COL19A1: variants seen among roughly 807,000 people sequenced by gnomAD.
COL19A1 encodes the protein collagen alpha-1(XIX) chain.
COL19A1 carries 159 observed loss-of-function variants against 190.2 expected under a neutral mutation model. That is an observed-to-expected ratio of 0.84 (90% CI 0.73 to 0.95). The LOEUF is 0.95. Among genes scored for constraint, COL19A1 ranks in the 40% least tolerant of loss-of-function variants. The pLI, the probability that COL19A1 is intolerant of heterozygous loss-of-function variation, is 0.00. For synonymous variants in COL19A1, 509 were observed against 458.9 expected, an observed-to-expected ratio of 1.11 and a Z score of -1.39; for missense variants, 1,418 against 1,431.9, an observed-to-expected ratio of 0.99 and a Z score of 0.16.
chr6:69,889,023 T>A (rs1271290771), intron 2 of COL19A1, among the ~76,000 whole-genome samples: 2 of 152,180 alleles, frequency 1.3e-5, no homozygotes, highest in Non-Finnish European at 2.9e-5. Flanking sequence ...AAGCCTTTTT[T>A]AAAAAATGCA....
At chr6:69,919,925 G>A (rs539739871) in intron 4 of COL19A1, among the ~76,000 whole-genome samples, 11 of 152,058 alleles carry the variant, frequency 7.2e-5, no homozygotes, top group Non-Finnish European at 1.5e-5. Context: ...ATATTTGTTA[G>A]TGCCCTTTTA....
At chr6:70,167,391 A>G (rs549093819) in intron 37 of COL19A1, among the ~76,000 whole-genome samples, 27 of 152,314 alleles carry the variant, frequency 1.8e-4, no homozygotes, top group African/African-American at 6.0e-4. Flanking sequence ...GCTAAAATGT[A>G]TGATTTTTTT....
chr6:70,206,965 T>C lies in COL19A1; in HGVS notation c.3288T>C (p.Leu1096=). 1.2e-6 allele frequency: 2 copies of C among 1,613,768 alleles called. No homozygotes were observed. The highest frequency in any genetic ancestry group is 1.7e-6 in the Non-Finnish European group (2 of 1,179,832). ...TTGGGCTGCCAGGGAGTCCAGGTCT[T>C]CCTGGGACTTCAGGTAAGTGGGATA... ...PGIGLPGSPG[L]PGTSALGLPG... is the part of the protein sequence containing the mutation. Residue 1096 remains leucine, a synonymous_variant, in exon 50 of 51, where the codon CTT becomes CTC. Coordinates refer to ENST00000620364, the MANE Select transcript of COL19A1 (RefSeq NM_001858.6).
At chr6:69,986,218 GTT>G (rs1238008218) in intron 11 of COL19A1, among the ~76,000 whole-genome samples, 219 of 84,390 alleles carry the variant, frequency 2.6e-3, no homozygotes, top group Admixed American at 0.011. Context: ...TGACTTACAC[GTT>G]TTATATATAT....
chr6:70,055,791 A>T (rs954753472), intron 14 of COL19A1, among the ~76,000 whole-genome samples: 9 of 150,076 alleles, frequency 6.0e-5, no homozygotes, highest in African/African-American at 2.2e-4. Context: ...TAAAAAAAAA[A>T]AAAAAAAAAA....
chr6:70,172,955 G>T (rs1160713803), intron 41 of COL19A1, among the ~76,000 whole-genome samples: 1 of 152,190 alleles, frequency 6.6e-6, no homozygotes, highest in Non-Finnish European at 1.5e-5. Flanking sequence ...GAGATAGTGA[G>T]AATGCCTGGA....
At chr6:70,022,435 A>G (rs1046603970) in intron 11 of COL19A1, among the ~76,000 whole-genome samples, 2 of 152,154 alleles carry the variant, frequency 1.3e-5, no homozygotes, top group South Asian at 4.1e-4. Flanking sequence ...TATTACTTTG[A>G]TTTGTTTTCT....
chr6:70,136,741 C>G (rs1785898058), intron 18 of COL19A1, among the ~76,000 whole-genome samples: 1 of 151,798 alleles, frequency 6.6e-6, no homozygotes, highest in Admixed American at 6.6e-5. Flanking sequence ...TTTTGGGTAC[C>G]TGGTACATGA....
At chr6:70,151,959 C>T (rs1787089110) in intron 31 of COL19A1, among the ~76,000 whole-genome samples, 1 of 151,914 alleles carries the variant, frequency 6.6e-6, no homozygotes. Context: ...ATACCTGTTA[C>T]TCTGTTCAAT....
intron 20 of COL19A1, 26 bp from the exon 21 acceptor site, chr6:70,141,867 C>T: frequency 6.8e-7 from 1 of 1,463,630 alleles, no homozygotes; most frequent in Non-Finnish European, 9.6e-7. Flanking sequence ...TAAGCATTAC[C>T]CTTATAGTAA....
intron 11 of COL19A1, among the ~76,000 whole-genome samples, chr6:70,010,440 C>T (rs1411949225): frequency 1.4e-5 from 2 of 146,268 alleles, no homozygotes; most frequent in Admixed American, 1.4e-4. Context: ...GCATTTCCAT[C>T]TGAGGTACCG....
chr6:70,184,167 C>G (rs1517044), intron 44 of COL19A1, among the ~76,000 whole-genome samples: 97,905 of 151,976 alleles, frequency 0.64, 32,080 homozygotes, highest in South Asian at 0.75. Context: ...CTGACTGACA[C>G]TTTATTTCAT....
At chr6:69,977,126 C>T (rs1057290238) in intron 11 of COL19A1, among the ~76,000 whole-genome samples, 5 of 152,164 alleles carry the variant, frequency 3.3e-5, no homozygotes, top group Admixed American at 2.6e-4. Flanking sequence ...ATGTTTATTG[C>T]GGCACTATTC....
At chr6:69,959,407 G>GA (rs1441280486) in intron 9 of COL19A1, among the ~76,000 whole-genome samples, 4 of 152,054 alleles carry the variant, frequency 2.6e-5, no homozygotes, top group African/African-American at 9.7e-5. Context: ...TATATAGTGA[G>GA]AAAAAATTCC....
chr6:69,982,164 C>A (rs1776069104), intron 11 of COL19A1, among the ~76,000 whole-genome samples: 1 of 152,008 alleles, frequency 6.6e-6, no homozygotes, highest in African/African-American at 2.4e-5. Flanking sequence ...TGTTCTGATG[C>A]ATTGGTCTAT....
intron 11 of COL19A1, among the ~76,000 whole-genome samples, chr6:69,995,926 A>G (rs1776878434): frequency 6.6e-6 from 1 of 152,158 alleles, no homozygotes; most frequent in Admixed American, 6.6e-5. Flanking sequence ...TCTTGGCCCT[A>G]ATTCATTTAG....
chr6:70,059,572 T>C (rs1780700922), intron 14 of COL19A1, among the ~76,000 whole-genome samples: 1 of 152,202 alleles, frequency 6.6e-6, no homozygotes, highest in Admixed American at 6.5e-5. Context: ...ATGTAACACA[T>C]TGTAATAGCT....
chr6:69,908,974 C>T (rs1770730737), intron 4 of COL19A1, among the ~76,000 whole-genome samples: 1 of 152,034 alleles, frequency 6.6e-6, no homozygotes, highest in South Asian at 2.1e-4. Context: ...TTTTGTGTTT[C>T]ACATGAGTTA....
chr6:70,126,483 A>G (rs1369007831), intron 17 of COL19A1, among the ~76,000 whole-genome samples: 1 of 152,144 alleles, frequency 6.6e-6, no homozygotes, highest in East Asian at 1.9e-4. Flanking sequence ...GGACTTTCAG[A>G]TGTTGGTTTG....
Sources: gnomAD v4.1 joint callset for allele counts (sites outside exome capture counted in the v4.1 genomes callset) on GRCh38, gnomAD v4.1.1 for gene constraint, MANE v1.5 for transcripts, NCBI Gene and HGNC (gene_info 2026-07-23, HGNC 2026-07-21) for gene names.